TNIP1: variants seen among roughly 807,000 people sequenced by gnomAD.
TNIP1 encodes the protein TNFAIP3-interacting protein 1.
Under a neutral mutation model 86.6 loss-of-function variants are expected in TNIP1, and 22 were observed. That is an observed-to-expected ratio of 0.25 (90% CI 0.18 to 0.36). The LOEUF is 0.36. TNIP1 is among the 10% of genes least tolerant of loss of function. The pLI, the probability that TNIP1 is intolerant of heterozygous loss-of-function variation, is 1.00. For synonymous variants in TNIP1, 294 were observed against 313.0 expected, an observed-to-expected ratio of 0.94 and a Z score of 0.64; for missense variants, 709 against 820.6, an observed-to-expected ratio of 0.86 and a Z score of 1.66.
upstream of TNIP1, among the ~76,000 whole-genome samples, chr5:151,087,437 G>A (rs934849468): frequency 2.0e-5 from 3 of 152,198 alleles, no homozygotes; most frequent in Admixed American, 1.3e-4. Flanking sequence ...AAAGGCACCC[G>A]AGAATGGGCT....
At chr5:151,041,849 T>C (rs186433535) in intron 11 of TNIP1, among the ~76,000 whole-genome samples, 2 of 152,178 alleles carry the variant, frequency 1.3e-5, no homozygotes, top group East Asian at 1.9e-4. Context: ...TGTCTCATGT[T>C]GTAGCCCCTC....
upstream of TNIP1, among the ~76,000 whole-genome samples, chr5:151,085,344 T>C (rs2161361): frequency 0.53 from 79,964 of 151,682 alleles, 21,912 homozygotes; most frequent in East Asian, 0.73. Flanking sequence ...GATCATCAAT[T>C]CTATGAGGCA....
chr5:151,042,587 A>C lies in TNIP1; in HGVS notation c.1087T>G (p.Phe363Val). ...TTGGCCAGGAGGAGCTTGCGGTCAAAGTCACGCTGCTTCTGCTCCCGCTCG... is the reference window on the plus strand; with the variant it reads ...TTGGCCAGGAGGAGCTTGCGGTCAACGTCACGCTGCTTCTGCTCCCGCTCG... ...EAEREQKQRD[F>V]DRKLLLAKSK... The change falls in exon 11 of 18, where the codon TTT becomes GTT. Residue 363 changes from phenylalanine (F) to valine (V), a missense_variant. Transcript: ENST00000521591. 6.2e-7 allele frequency: 1 copy of C among 1,613,810 alleles called. No individual in the cohort carries two copies. The highest frequency in any genetic ancestry group is 1.1e-5 in the South Asian group (1 of 91,086).
At chr5:151,066,030 T>C (rs1046888875) in intron 1 of TNIP1, among the ~76,000 whole-genome samples, 1 of 152,222 alleles carries the variant, frequency 6.6e-6, no homozygotes, top group South Asian at 2.1e-4. Context: ...AATTACTTAT[T>C]GAGCATCGAC....
At chr5:151,058,317 AG>A (rs1760947559) in intron 5 of TNIP1, among the ~76,000 whole-genome samples, 1 of 152,258 alleles carries the variant, frequency 6.6e-6, no homozygotes, top group African/African-American at 2.4e-5. Context: ...TAGCTATTTC[AG>A]AAAGTCCCAA....
chr5:151,063,799 T>C, intron 2 of TNIP1, 52 bp from the exon 3 acceptor site: 1 of 1,592,686 alleles, frequency 6.3e-7, no homozygotes, highest in East Asian at 2.3e-5. Context: ...CTCAGTGTGC[T>C]GCTTCTCCCC....
At chr5:151,037,947 G>A (rs7709800) in intron 12 of TNIP1, among the ~76,000 whole-genome samples, 21 of 152,192 alleles carry the variant, frequency 1.4e-4, no homozygotes, top group African/African-American at 4.8e-4. Context: ...GAGGTCCAGC[G>A]ACAGGGAGAT....
intron 5 of TNIP1, among the ~76,000 whole-genome samples, chr5:151,059,818 AGAGAGAGAGAGTGTGTGTGTGTGTGTGT>A (rs1282871449): frequency 9.7e-6 from 1 of 103,044 alleles, no homozygotes; most frequent in African/African-American, 5.0e-5. Context: ...AGAGAGAGAG[AGAGAGAGAGAGTGTGTGTGTGTGTGTGT>A]GTGTGTGTGT....
chr5:151,033,276 G>A (rs998359721), intron 16 of TNIP1, among the ~76,000 whole-genome samples: 2 of 152,058 alleles, frequency 1.3e-5, no homozygotes, highest in African/African-American at 2.4e-5. Flanking sequence ...CTAGTTACAC[G>A]TGGAAGTTAT....
In TNIP1 at chr5:151,046,996, G is replaced by A. The variant is rs757133457; in HGVS notation, c.847-1046C>T. Among the ~76,000 whole-genome samples the A allele has an allele frequency of 4.1e-4, 63 of 152,256 alleles. 1 individual carries two copies. Among genetic ancestry groups the A allele is most frequent in the Middle Eastern group, 3.4e-3 (1 of 294 alleles). ...CTGCTGCAGGTGGAGATCCACCAAT[G>A]GTCACTAAAATCAGTGAGTGAAAGT... is the stretch of plus-strand genomic sequence containing the variant. On this transcript the variant is annotated intron_variant, in intron 8 of 17. Coordinates refer to ENST00000521591, the MANE Select transcript of TNIP1 (RefSeq NM_006058.5).
At chr5:151,038,457 G>A (rs964514908) in intron 12 of TNIP1, among the ~76,000 whole-genome samples, 2 of 152,164 alleles carry the variant, frequency 1.3e-5, no homozygotes, top group Non-Finnish European at 2.9e-5. Flanking sequence ...CTGAACTGGA[G>A]AGGCTGGAGA....
rs540972613 is a variant in TNIP1 at position 151,047,099 on chromosome 5, T to C, written c.847-1149A>G. Among the ~76,000 whole-genome samples the C allele has an allele frequency of 2.6e-5, 4 of 152,088 alleles. No individual in the cohort carries two copies. The East Asian group carries it at 5.8e-4, about 22-fold the overall frequency. ...ACACTTATTAATTACAAAGGGAAAATTGGTCACTTGATTGCAGAAACTTGA... is the reference window on the plus strand; with the variant it reads ...ACACTTATTAATTACAAAGGGAAAACTGGTCACTTGATTGCAGAAACTTGA... On this transcript the variant is annotated intron_variant, in intron 8 of 17. Transcript: ENST00000521591.
rs1756748876 is a variant in TNIP1, at chr5:151,030,475, G to C, written c.*238C>G. The C allele has an allele frequency of 1.6e-6, 1 of 606,946 alleles. No individual in the cohort carries two copies. The highest frequency in any genetic ancestry group is 1.9e-5 in the African/African-American group (1 of 53,648). 37.6% of individuals were successfully genotyped at this position (606,946 alleles called of 1,614,324 possible). On this transcript the variant is annotated 3_prime_UTR_variant, in exon 18 of 18. Coordinates refer to ENST00000521591, the MANE Select transcript of TNIP1 (RefSeq NM_006058.5). ...TGAGGCCTCTCTCCACTCAGCAGCA[G>C]GGAAGGAGTTTTTCCCAGTCACTCC...
chr5:151,086,437 T>C (rs1764280113), intron 1 of TNIP1, among the ~76,000 whole-genome samples: 1 of 152,106 alleles, frequency 6.6e-6, no homozygotes, highest in Non-Finnish European at 1.5e-5. Flanking sequence ...CAAGAGATCC[T>C]TTTGCTCCAG....
At chr5:151,061,743 G>A (rs1162597406) in intron 4 of TNIP1, among the ~76,000 whole-genome samples, 1 of 152,204 alleles carries the variant, frequency 6.6e-6, no homozygotes, top group African/African-American at 2.4e-5. Context: ...CTCCCCAAGT[G>A]CTGGGATTAT....
At chr5:151,050,924 G>A (rs558549945) in intron 7 of TNIP1, among the ~76,000 whole-genome samples, 14 of 152,146 alleles carry the variant, frequency 9.2e-5, no homozygotes, top group African/African-American at 1.2e-4. Context: ...CAATCCTCCC[G>A]CCTTAACGTC....
At chr5:151,043,063 G>C (rs1032685566) in intron 9 of TNIP1, 102 bp from the exon 10 acceptor site, 1 of 1,161,780 alleles carries the variant, frequency 8.6e-7, no homozygotes. Context: ...TGCTCGGTGT[G>C]TGTGAATAGT....
At position 151,065,150 on chromosome 5, in the gene TNIP1, C is replaced by T; in HGVS notation, c.-36-19G>A. ...CGCCTGGCTGTAAGGACAACAGCAG[C>T]ATATCAGCAGGCTGGCCAGGCCATG... On this transcript the variant is annotated intron_variant, in intron 1 of 17. Transcript: ENST00000521591. 1 of 1,590,870 alleles carries T rather than the reference C, an allele frequency of 6.3e-7. No homozygotes were observed. The highest frequency in any genetic ancestry group is 2.3e-5 in the East Asian group (1 of 44,384).
intron 15 of TNIP1, chr5:151,034,599 G>A (rs1757452104): frequency 3.1e-6 from 1 of 318,432 alleles, no homozygotes; most frequent in Non-Finnish European, 5.9e-6. Context: ...TGGAAGGCTG[G>A]TACATGGACA....
Sources: allele counts gnomAD v4.1 joint callset (sites outside exome capture counted in the v4.1 genomes callset), GRCh38; gene constraint gnomAD v4.1.1; transcripts MANE v1.5; gene names NCBI Gene and HGNC (gene_info 2026-07-23, HGNC 2026-07-21).